The following VRK2 variants were observed in gnomAD, a reference collection of about 807,000 sequenced individuals.
VRK2 encodes VRK serine/threonine kinase 2.
Under a neutral mutation model 57.6 loss-of-function variants are expected in VRK2, and 60 were observed. That is an observed-to-expected ratio of 1.04 (90% CI 0.85 to 1.29). VRK2 has a LOEUF of 1.29. Ranked by LOEUF, VRK2 falls within the 50% of genes most tolerant of loss-of-function variation. VRK2 has a pLI of 0.00. For missense variants in VRK2, 705 were observed against 588.1 expected (o/e 1.20, Z -2.06); for synonymous variants, 231 against 199.2 (o/e 1.16, Z -1.35).
intron 2 of VRK2, among the ~76,000 whole-genome samples, chr2:58,071,255 A>C (rs1167845753): frequency 1.3e-5 from 2 of 152,006 alleles, no homozygotes; most frequent in Non-Finnish European, 2.9e-5. Context: ...GATTTATCTT[A>C]TTATTTTCTT....
In VRK2 at chr2:58,089,721, C is replaced by A; in HGVS notation, c.541C>A (p.Gln181Lys). The stretch of plus-strand genomic sequence containing the variant: ...ACTTTTGGGTTACAAAAATCCAGAC[C>A]AGGTAAATACATACTTTTGCTTTTA... ...NLLLGYKNPD[Q>K]VYLADYGLSY... is the part of the protein sequence containing the mutation. Residue 181 changes from glutamine (Q) to lysine (K), a missense_variant and splice_region_variant, in exon 7 of 13, where the codon CAG becomes AAG. Transcript: ENST00000340157. 1 of 1,594,172 alleles carries A rather than the reference C, an allele frequency of 6.3e-7. No homozygotes were observed. The highest frequency in any genetic ancestry group is 1.1e-5 in the South Asian group (1 of 89,204).
chr2:57,967,225 C>T (rs372590457), intron 1 of VRK2, among the ~76,000 whole-genome samples: 17 of 152,036 alleles, frequency 1.1e-4, no homozygotes, highest in South Asian at 4.2e-4. Context: ...GGCCTGTCGG[C>T]GGGTGCGGGG....
rs2104762514 is a variant in VRK2, at chr2:58,159,681, A to T, written c.1515A>T (p.Leu505Phe). Reference sequence around the variant, plus strand: ...TTTTGATGTTAGTATTTCTTGCTTTATTTTTTCTCTGAAGATGATACCAAA... The same window carrying T: ...TTTTGATGTTAGTATTTCTTGCTTTTTTTTTTCTCTGAAGATGATACCAAA... The part of the protein sequence containing the change: ...PVLLMLVFLA[L>F]FFL The change falls in exon 13 of 13, where the codon TTA (leucine) becomes TTT (phenylalanine). Residue 505 changes from leucine to phenylalanine, a missense_variant. Physicochemically the swap from Leu to Phe is conservative, Grantham distance 22 (BLOSUM62 0). Transcript: ENST00000340157. The T allele has an allele frequency of 1.9e-6, 3 of 1,612,400 alleles. No individual in the cohort carries two copies. Among genetic ancestry groups the T allele is most frequent in the Non-Finnish European group, 2.5e-6 (3 of 1,179,348 alleles).
chr2:57,980,039 A>G (rs1672373919), intron 1 of VRK2, among the ~76,000 whole-genome samples: 1 of 152,034 alleles, frequency 6.6e-6, no homozygotes, highest in Non-Finnish European at 1.5e-5. Context: ...AACTTCGTTC[A>G]GTTCAGCTTT....
chr2:58,042,813 A>AT (rs1157809889), upstream of VRK2, among the ~76,000 whole-genome samples: 1 of 151,610 alleles, frequency 6.6e-6, no homozygotes, highest in Non-Finnish European at 1.5e-5. Flanking sequence ...TTTTCCCCAT[A>AT]TTTTTTTTCT....
upstream of VRK2, among the ~76,000 whole-genome samples, chr2:58,045,565 T>A (rs1344155985): frequency 6.6e-6 from 1 of 152,258 alleles, no homozygotes; most frequent in Non-Finnish European, 1.5e-5. Context: ...AGTGAATGAC[T>A]AAGGGCACAA....
At chr2:57,931,989 TA>T (rs1233007330) in intron 1 of VRK2, among the ~76,000 whole-genome samples, 1 of 152,126 alleles carries the variant, frequency 6.6e-6, no homozygotes, top group African/African-American at 2.4e-5. Context: ...CGTCTGTTTT[TA>T]TGGCAGTACC....
intron 2 of VRK2, among the ~76,000 whole-genome samples, chr2:58,079,597 A>AT (rs1169668205): frequency 2.0e-5 from 3 of 151,802 alleles, no homozygotes; most frequent in Admixed American, 6.6e-5. Flanking sequence ...TAGACAATGG[A>AT]TTTTTTTTCC....
At chr2:57,980,862 T>C (rs1233886347) in intron 1 of VRK2, among the ~76,000 whole-genome samples, 1 of 152,112 alleles carries the variant, frequency 6.6e-6, no homozygotes, top group Non-Finnish European at 1.5e-5. Flanking sequence ...GCTTGCTTTT[T>C]TTTTCTTTTC....
upstream of VRK2, chr2:58,046,421 G>A (rs1443366075): frequency 1.6e-5 from 15 of 919,540 alleles, no homozygotes; most frequent in Non-Finnish European, 1.9e-5. Context: ...GTTGCTCGGC[G>A]AGAGCTCGGT....
chr2:57,987,202 G>A (rs1234713896), intron 1 of VRK2, among the ~76,000 whole-genome samples: 2 of 151,934 alleles, frequency 1.3e-5, no homozygotes, highest in African/African-American at 4.8e-5. Flanking sequence ...CTCTCTGAAG[G>A]TGCTTATAAT....
intron 7 of VRK2, among the ~76,000 whole-genome samples, chr2:58,101,991 A>G (rs1674033488): frequency 6.6e-6 from 1 of 151,704 alleles, no homozygotes; most frequent in Non-Finnish European, 1.5e-5. Flanking sequence ...CAAGCCAACC[A>G]AGTAGAGCTG....
At chr2:57,989,873 T>A (rs1389078953) in intron 1 of VRK2, among the ~76,000 whole-genome samples, 2 of 152,222 alleles carry the variant, frequency 1.3e-5, no homozygotes, top group Non-Finnish European at 1.5e-5. Flanking sequence ...AAAGGACAGA[T>A]AAGCTAATAA....
chr2:58,131,663 T>A, intron 8 of VRK2, 145 bp from the exon 9 acceptor site: 2 of 1,045,234 alleles, frequency 1.9e-6, no homozygotes, highest in South Asian at 3.9e-5. Context: ...GCTTGGGCGT[T>A]TAAGTTTTAT....
At chr2:58,046,918 C>T (rs1370759205) in intron 1 of VRK2, 50 bp downstream of exon 1, 3 of 985,402 alleles carry the variant, frequency 3.0e-6, no homozygotes, top group Non-Finnish European at 3.6e-6. Flanking sequence ...CCTCCGCTTG[C>T]AGTGCCGGAG....
At chr2:58,048,678 G>A in intron 1 of VRK2, 149 bp from the exon 2 acceptor site, 1 of 1,500,596 alleles carries the variant, frequency 6.7e-7, no homozygotes, top group Non-Finnish European at 9.0e-7. Flanking sequence ...TATAATGTGT[G>A]GGCTTTTCCA....
chr2:58,146,376 A>G lies in VRK2; in HGVS notation c.1084A>G (p.Lys362Glu). 2 of 1,611,782 alleles carry G rather than the reference A, an allele frequency of 1.2e-6. No individual in the cohort carries two copies. The highest frequency in any genetic ancestry group is 8.5e-7 in the Non-Finnish European group (1 of 1,178,416). Reference sequence around the variant, plus strand: ...CAAGGCACACAATAGGTTAATCGAAAAAAAAGTCCACAGTGAGAGAAGCGC... The same window carrying G: ...CAAGGCACACAATAGGTTAATCGAAGAAAAAGTCCACAGTGAGAGAAGCGC... The part of the protein sequence containing the change: ...VNKAHNRLIE[K>E]KVHSERSAES... Residue 362 changes from lysine to glutamate, a missense_variant, in exon 12 of 13, where the codon AAA (lysine) becomes GAA (glutamate). Coordinates refer to ENST00000340157, the MANE Select transcript of VRK2 (RefSeq NM_006296.7).
At chr2:58,025,398 GCTT>G (rs1264663112) in intron 1 of VRK2, among the ~76,000 whole-genome samples, 3 of 151,788 alleles carry the variant, frequency 2.0e-5, no homozygotes, top group African/African-American at 7.3e-5. Context: ...CTTCTTTTTG[GCTT>G]CTTAAGAAGA....
At chr2:58,091,037 A>G (rs1250658917) in intron 7 of VRK2, among the ~76,000 whole-genome samples, 2 of 152,224 alleles carry the variant, frequency 1.3e-5, no homozygotes, top group Non-Finnish European at 2.9e-5. Flanking sequence ...TCAATTTTTT[A>G]CTATCTCCAT....
Sources: allele counts gnomAD v4.1 joint callset (sites outside exome capture counted in the v4.1 genomes callset), GRCh38; gene constraint gnomAD v4.1.1; transcripts MANE v1.5; gene names NCBI Gene and HGNC (gene_info 2026-07-23, HGNC 2026-07-21).